Variants in PCLO observed in about 807,000 individuals in gnomAD.
PCLO encodes the protein piccolo presynaptic cytomatrix protein.
A neutral mutation model predicts 427.5 loss-of-function variants in PCLO; 82 were observed. The ratio of observed to expected loss-of-function variants is 0.19; its 90% CI spans 0.16 to 0.23. PCLO has a LOEUF of 0.23. PCLO is among the 10% of genes least tolerant of loss of function. The pLI is 1.00. For missense variants in PCLO, 6,239 were observed against 6,115.9 expected, an observed-to-expected ratio of 1.02 and a Z score of -0.67; for synonymous variants, 2,357 against 2,155.4, an observed-to-expected ratio of 1.09 and a Z score of -2.59.
At chr7:83,071,149 G>A (rs181587999) in intron 3 of PCLO, among the ~76,000 whole-genome samples, 321 of 151,924 alleles carry the variant, frequency 2.1e-3, no homozygotes, top group Admixed American at 3.5e-3. Context: ...ACCACTATCT[G>A]TTTTCAAATC....
chr7:82,831,320 G>T (rs1454755590), intron 16 of PCLO, among the ~76,000 whole-genome samples: 1 of 151,876 alleles, frequency 6.6e-6, no homozygotes, highest in Non-Finnish European at 1.5e-5. Flanking sequence ...CAATTGATTA[G>T]GCCCATCATA....
chr7:82,957,745 A>G (rs1277432423), intron 4 of PCLO, among the ~76,000 whole-genome samples: 1 of 152,242 alleles, frequency 6.6e-6, no homozygotes, highest in East Asian at 1.9e-4. Context: ...TGTTTCACTA[A>G]TGTCACTTAC....
chr7:82,865,904 A>G, intron 10 of PCLO, among the ~76,000 whole-genome samples: 1 of 152,148 alleles, frequency 6.6e-6, no homozygotes, highest in East Asian at 1.9e-4. Flanking sequence ...TACAGCAGTA[A>G]GAGTGATCCT....
At chr7:82,922,620 C>G (rs979976598) in intron 6 of PCLO, among the ~76,000 whole-genome samples, 1 of 151,840 alleles carries the variant, frequency 6.6e-6, no homozygotes, top group Non-Finnish European at 1.5e-5. Context: ...GATCGAAAAA[C>G]TAGCTATCAG....
Position 82,952,330 on chromosome 7 carries a change from G to A in PCLO, c.8623C>T (p.Pro2875Ser). Residue 2875 changes from proline to serine, a missense_variant, in exon 5 of 25, where the codon CCT (proline) becomes TCT (serine). Pro to Ser is a moderately conservative substitution (Grantham distance 74, BLOSUM62 -1). Transcript: ENST00000333891. ...CATCCATTTGTGACACCAACAGGAG[G>A]CACAGTGACAGGTTTTGTAATAGCC... ...TLAITKPVTV[P>S]PVGVTNGWTD... 11 of 1,613,884 alleles carry A rather than the reference G, an allele frequency of 6.8e-6. No individual in the cohort carries two copies. Among genetic ancestry groups the A allele is most frequent in the Non-Finnish European group, 9.3e-6 (11 of 1,179,804 alleles).
chr7:82,817,744 A>G lies in PCLO; in HGVS notation c.14791+4751T>C, dbSNP rs562244175. Among the ~76,000 whole-genome samples, 106 of 152,256 alleles carry G rather than the reference A, an allele frequency of 7.0e-4. 1 individual carries two copies. In the South Asian group the frequency reaches 0.011, roughly 15 times the overall value. On this transcript the variant is annotated intron_variant, in intron 20 of 24. Transcript: ENST00000333891. The stretch of plus-strand genomic sequence containing the variant: ...CAGCCACATCAGGGAACTCGAAATC[A>G]TATTTCCTTGCATGACCTATTTAAT...
intron 22 of PCLO, among the ~76,000 whole-genome samples, chr7:82,773,970 C>T (rs571622898): frequency 1.3e-5 from 2 of 152,314 alleles, no homozygotes; most frequent in East Asian, 1.9e-4. Flanking sequence ...TCCTACAAGG[C>T]TGTAGCTCTT....
chr7:83,013,762 A>G (rs1788142741), intron 3 of PCLO, among the ~76,000 whole-genome samples: 1 of 152,238 alleles, frequency 6.6e-6, no homozygotes, highest in East Asian at 1.9e-4. Flanking sequence ...ATGGATTTAA[A>G]ATGGAACGTT....
intron 10 of PCLO, among the ~76,000 whole-genome samples, chr7:82,874,661 A>C (rs1793326173): frequency 6.6e-6 from 1 of 152,194 alleles, no homozygotes; most frequent in Non-Finnish European, 1.5e-5. Context: ...TAGAGGAAGC[A>C]TTTATTGTTT....
chr7:83,153,523 C>T (rs145563808), intron 2 of PCLO, among the ~76,000 whole-genome samples: 6 of 152,208 alleles, frequency 3.9e-5, no homozygotes, highest in East Asian at 1.9e-4. Flanking sequence ...ACAAGCTTCA[C>T]GTCTCAGGGA....
rs950381444 is a variant in PCLO at position 82,954,471 on chromosome 7, G to A, written c.6482C>T (p.Ser2161Leu). Residue 2161 changes from serine (S) to leucine (L), a missense_variant, in exon 5 of 25, where the codon TCG becomes TTG. Around this residue, in one of 5 missense-constraint regions of PCLO, gnomAD observed 4,677 missense variants for 4,468.4 expected, o/e 1.05. Transcript: ENST00000333891. ...AGGCTCCGAGTAGGTCAAAATCAGC[G>A]ATTCATGGGCAATTATCTCTTGAAT... ...REIQEIIAHE[S>L]LILTYSEPSE... The A allele has an allele frequency of 4.3e-6, 7 of 1,613,924 alleles. No individual in the cohort carries two copies. Among genetic ancestry groups the A allele is most frequent in the Non-Finnish European group, 5.1e-6 (6 of 1,179,840 alleles).
chr7:82,768,848 C>T (rs576219215), intron 22 of PCLO, among the ~76,000 whole-genome samples: 1 of 152,128 alleles, frequency 6.6e-6, no homozygotes, highest in East Asian at 1.9e-4. Flanking sequence ...TATATGCATA[C>T]ATTTGTACAC....
At chr7:82,960,462 A>G (rs1292615052) in intron 4 of PCLO, among the ~76,000 whole-genome samples, 2 of 152,188 alleles carry the variant, frequency 1.3e-5, no homozygotes, top group Non-Finnish European at 2.9e-5. Context: ...TTAACCAGAA[A>G]TGAAAGTACC....
At chr7:83,124,945 G>A (rs1015070094) in intron 3 of PCLO, among the ~76,000 whole-genome samples, 26 of 152,110 alleles carry the variant, frequency 1.7e-4, no homozygotes, top group African/African-American at 5.8e-4. Context: ...TGGTGGAGAC[G>A]CGGTTTCGCC....
chr7:83,064,827 A>G (rs968781435), intron 3 of PCLO, among the ~76,000 whole-genome samples: 2 of 152,000 alleles, frequency 1.3e-5, no homozygotes, highest in Non-Finnish European at 2.9e-5. Context: ...GAGAGATGTG[A>G]AAATAATTGG....
chr7:82,837,838 G>T (rs1792267350), intron 15 of PCLO, among the ~76,000 whole-genome samples: 1 of 151,938 alleles, frequency 6.6e-6, no homozygotes, highest in South Asian at 2.1e-4. Context: ...ACAGTAACTT[G>T]TAAGTCCTTG....
intron 16 of PCLO, among the ~76,000 whole-genome samples, chr7:82,830,707 T>A (rs1191948824): frequency 6.6e-6 from 1 of 151,970 alleles, no homozygotes; most frequent in Non-Finnish European, 1.5e-5. Flanking sequence ...AATACATAAT[T>A]TGTTTAACAA....
At chr7:82,883,264 A>G (rs985797734) in intron 9 of PCLO, among the ~76,000 whole-genome samples, 1 of 152,132 alleles carries the variant, frequency 6.6e-6, no homozygotes, top group African/African-American at 2.4e-5. Flanking sequence ...AAGTCCCCAA[A>G]GGATAGTTCA....
intron 20 of PCLO, among the ~76,000 whole-genome samples, chr7:82,809,533 G>C (rs916566766): frequency 6.6e-6 from 1 of 151,532 alleles, no homozygotes; most frequent in African/African-American, 2.4e-5. Flanking sequence ...CAAAGCCTAT[G>C]TTTTCTCCTT....
Sources: gnomAD v4.1 joint callset for allele counts (sites outside exome capture counted in the v4.1 genomes callset) on GRCh38, gnomAD v4.1.1 for gene constraint, gnomAD v4.1.1 regional missense constraint, MANE v1.5 for transcripts, NCBI Gene and HGNC (gene_info 2026-07-23, HGNC 2026-07-21) for gene names.